Variants in TEX14 observed in about 807,000 individuals in gnomAD.
The protein encoded by TEX14 is inactive serine/threonine-protein kinase TEX14.
TEX14 carries 168 observed loss-of-function variants against 178.6 expected under a neutral mutation model. The ratio of observed to expected loss-of-function variants is 0.94; its 90% confidence interval spans 0.83 to 1.07. The LOEUF (loss-of-function observed/expected upper bound fraction) is 1.07. TEX14 is among the 50% of genes least tolerant of loss of function. TEX14 has a pLI of 0.00. For missense variants in TEX14, 1,730 were observed against 1,753.6 expected, an observed-to-expected ratio of 0.99 and a Z score of 0.24; for synonymous variants, 626 against 634.1, an observed-to-expected ratio of 0.99 and a Z score of 0.19.
intron 1 of TEX14, among the ~76,000 whole-genome samples, chr17:58,688,057 G>A (rs1037264695): frequency 1.3e-5 from 2 of 152,144 alleles, no homozygotes; most frequent in Admixed American, 1.3e-4. Context: ...TGTGGATCAA[G>A]TCAAAGAAAA....
chr17:58,557,371 A>G (rs768474384), intron 31 of TEX14, among the ~76,000 whole-genome samples: 2 of 151,888 alleles, frequency 1.3e-5, no homozygotes, highest in Non-Finnish European at 2.9e-5. Context: ...TCCGGGTTTA[A>G]GCGATTGTCC....
At position 58,643,771 on chromosome 17, in the gene TEX14, C is replaced by T. The variant is rs907278605; in HGVS notation, c.136+8095G>A. On this transcript the variant is annotated intron_variant, in intron 2 of 31. Transcript: ENST00000349033. ...ACTGTAAACCCAGCTAATAGGGAGG[C>T]TGAGGCAGGAGAATCGCTTGAACCC... 4.8e-5 allele frequency among the ~76,000 whole-genome samples: 7 copies of T among 144,958 alleles called. No individual in the cohort carries two copies. In the East Asian group the frequency reaches 1.5e-3, roughly 31 times the overall value.
At chr17:58,617,487 T>C in intron 6 of TEX14, 51 bp downstream of exon 6, 1 of 1,383,142 alleles carries the variant, frequency 7.2e-7, no homozygotes, top group Non-Finnish European at 1.0e-6. Flanking sequence ...TGGGGCCCGA[T>C]GATTCTCCAG....
At chr17:58,645,823 A>T (rs2046694799) in intron 2 of TEX14, among the ~76,000 whole-genome samples, 1 of 152,240 alleles carries the variant, frequency 6.6e-6, no homozygotes, top group South Asian at 2.1e-4. Context: ...GGACCCTCCC[A>T]TACCAGTAAA....
chr17:58,602,634 A>G (rs2045483094), intron 11 of TEX14, 44 bp from the exon 12 acceptor site: 3 of 1,514,062 alleles, frequency 2.0e-6, no homozygotes, highest in East Asian at 4.5e-5. Flanking sequence ...AGGAAACCAA[A>G]GAGTGGAGTG....
chr17:58,659,196 C>T (rs1005815672), intron 1 of TEX14: 2 of 230,424 alleles, frequency 8.7e-6, no homozygotes, highest in Non-Finnish European at 7.2e-6. Context: ...GTTATGCAGC[C>T]GAGTTTTCTC....
At chr17:58,657,609 G>A (rs552299376) in intron 1 of TEX14, among the ~76,000 whole-genome samples, 1 of 149,330 alleles carries the variant, frequency 6.7e-6, no homozygotes, top group African/African-American at 2.5e-5. Context: ...CTGCCTCCGG[G>A]GTTCAAACAA....
At chr17:58,690,913 C>T (rs2047697289) in intron 1 of TEX14, among the ~76,000 whole-genome samples, 1 of 152,188 alleles carries the variant, frequency 6.6e-6, no homozygotes, top group Non-Finnish European at 1.5e-5. Flanking sequence ...ATCACCCAAG[C>T]TGGAGTGCAG....
chr17:58,593,250 C>T (rs901399223), intron 15 of TEX14, among the ~76,000 whole-genome samples: 1 of 152,124 alleles, frequency 6.6e-6, no homozygotes, highest in Non-Finnish European at 1.5e-5. Context: ...AAATGGAATA[C>T]CTGGTGTTTG....
chr17:58,602,577 C>T lies in TEX14; in HGVS notation c.1350G>A (p.Trp450Ter), dbSNP rs774248696. Residue 450 changes from tryptophan to a stop codon, truncating the protein, a stop_gained, in exon 12 of 32, where the codon TGG (tryptophan) becomes TGA (stop). Coordinates refer to ENST00000349033, the MANE Select transcript of TEX14 (RefSeq NM_031272.5). LOFTEE classifies it high-confidence loss of function. ...MQEILTDDIP[W>*]KGLDGSVVKK... The stretch of plus-strand genomic sequence containing the variant: ...TAACAACTGAGCCATCTAAGCCCTT[C>T]CAGGGTATGTCATCTGTAAGGAAAA... 6.2e-7 allele frequency: 1 copy of T among 1,611,392 alleles called. No homozygotes were observed. The highest frequency in any genetic ancestry group is 1.3e-5 in the African/African-American group (1 of 74,808).
rs746702755 is a variant in TEX14 at position 58,585,957 on chromosome 17, G to A, written c.2914C>T (p.Pro972Ser). The A allele has an allele frequency of 2.7e-5, 44 of 1,613,894 alleles. No individual in the cohort carries two copies. The highest frequency in any genetic ancestry group is 1.6e-4 in the Middle Eastern group (1 of 6,084). The change falls in exon 18 of 32, where the codon CCC becomes TCC. Residue 972 changes from proline (P) to serine (S), a missense_variant. Around this residue, in one of 2 missense-constraint regions of TEX14, gnomAD observed 941 missense variants for 1,072.4 expected, o/e 0.88. Coordinates refer to ENST00000349033, the MANE Select transcript of TEX14 (RefSeq NM_031272.5). ...ENEPDALLQP[P>S]IRSPENTDWQ... ...TCCGTGTTTTCTGGGCTCCTAATGG[G>A]GGGCTGCAGCAGGGCGTCGGGCTCA...
chr17:58,668,258 C>T (rs2047246365), intron 1 of TEX14, among the ~76,000 whole-genome samples: 2 of 152,194 alleles, frequency 1.3e-5, no homozygotes, highest in South Asian at 4.1e-4. Context: ...GGACTTGTGC[C>T]CAGTCTTTCT....
At chr17:58,594,813 TG>T (rs1203857408) in intron 14 of TEX14, among the ~76,000 whole-genome samples, 1 of 150,046 alleles carries the variant, frequency 6.7e-6, no homozygotes, top group Non-Finnish European at 1.5e-5. Flanking sequence ...TGAAAGTCTG[TG>T]CTCTTTATTC....
rs1401643063 is a variant in TEX14 at position 58,579,677 on chromosome 17, G to C, written c.3226C>G (p.Pro1076Ala). ...AAGGGCTTATTACCAGAGACTTGAG[G>C]TTGGGCAAATGCACCTTGTATTCCT... is the stretch of plus-strand genomic sequence containing the variant. ...FEGIQGAFAQPQVSGEEKFQM... is the reference protein window; with the variant it reads ...FEGIQGAFAQAQVSGEEKFQM... Residue 1076 changes from proline (P) to alanine (A), a missense_variant, in exon 20 of 32, where the codon CCT becomes GCT. Physicochemically the swap from Pro to Ala is conservative, Grantham distance 27. Transcript: ENST00000349033. 1.1e-5 allele frequency: 18 copies of C among 1,613,662 alleles called. No individual in the cohort carries two copies. The highest frequency in any genetic ancestry group is 1.5e-5 in the Non-Finnish European group (18 of 1,179,724).
chr17:58,663,905 C>T (rs1031815995), intron 1 of TEX14, among the ~76,000 whole-genome samples: 3 of 152,174 alleles, frequency 2.0e-5, no homozygotes, highest in Admixed American at 6.5e-5. Flanking sequence ...AGGCCAGGGG[C>T]AGTGGCTCAT....
chr17:58,632,851 A>G (rs1000174672), intron 2 of TEX14, among the ~76,000 whole-genome samples: 1 of 152,154 alleles, frequency 6.6e-6, no homozygotes, highest in African/African-American at 2.4e-5. Flanking sequence ...ACCTCATAGT[A>G]CTCGACCAAT....
At chr17:58,617,412 G>T in intron 6 of TEX14, 126 bp downstream of exon 6, 1 of 669,844 alleles carries the variant, frequency 1.5e-6, no homozygotes, top group South Asian at 2.2e-5. Flanking sequence ...CTCAATAGGG[G>T]CAAAAAAGAA....
chr17:58,577,450 T>C lies in TEX14; in HGVS notation c.3245A>G (p.Glu1082Gly), dbSNP rs1382687087. ...AFAQPQVSGE[E>G]KFQMRKILGK... Reference sequence around the variant, plus strand: ...AAGAATTTTTCTCATTTGGAACTTTTCCTCACCTGAAAGAATAAAGTTAAA... The same window carrying C: ...AAGAATTTTTCTCATTTGGAACTTTCCCTCACCTGAAAGAATAAAGTTAAA... The change falls in exon 21 of 32, where the codon GAA becomes GGA. Residue 1082 changes from glutamate to glycine, a missense_variant. Glu to Gly is a moderately conservative substitution (Grantham distance 98, BLOSUM62 -2). Transcript: ENST00000349033. 7 of 1,420,408 alleles carry C rather than the reference T, an allele frequency of 4.9e-6. No individual in the cohort carries two copies. The highest frequency in any genetic ancestry group is 5.7e-6 in the Non-Finnish European group (6 of 1,052,968). The allele number at this position is 1,420,408 out of a possible 1,614,324, so 88.0% of individuals were successfully genotyped here. A position where few individuals can be genotyped will look rare whatever the true frequency, so the allele number is the denominator to read the frequency against.
intron 3 of TEX14, among the ~76,000 whole-genome samples, chr17:58,625,056 G>A (rs35637655): frequency 0.021 from 3,142 of 152,206 alleles, 55 homozygotes; most frequent in Non-Finnish European, 0.033. Flanking sequence ...CTGCATCGTG[G>A]GAATCACAAT....
Sources: allele counts gnomAD v4.1 joint callset (sites outside exome capture counted in the v4.1 genomes callset), GRCh38; gene constraint gnomAD v4.1.1; regional missense constraint gnomAD v4.1.1; transcripts MANE v1.5; gene names NCBI Gene and HGNC (gene_info 2026-07-23, HGNC 2026-07-21).